CSMD1: variants seen among roughly 807,000 people sequenced by gnomAD.
CSMD1 encodes the protein CUB and Sushi multiple domains 1.
Under a neutral mutation model 417.5 loss-of-function variants are expected in CSMD1, and 213 were observed. The ratio of observed to expected loss-of-function variants is 0.51; its 90% CI spans 0.46 to 0.57. The LOEUF is 0.57. CSMD1 is among the 20% of genes least tolerant of loss of function. The probability of loss-of-function intolerance (pLI) is 0.00; values close to 1 mark genes in which losing one functional copy is unlikely to be tolerated. For missense variants in CSMD1, 6,923 were observed against 4,529.7 expected, an observed-to-expected ratio of 1.53 and a Z score of -15.17; for synonymous variants, 2,862 against 1,736.8, an observed-to-expected ratio of 1.65 and a Z score of -16.11.
intron 3 of CSMD1, among the ~76,000 whole-genome samples, chr8:4,151,201 A>C (rs1796554516): frequency 6.6e-6 from 1 of 152,076 alleles, no homozygotes; most frequent in African/African-American, 2.4e-5. Flanking sequence ...TGTTACCATA[A>C]CCTCTTCTTG....
intron 2 of CSMD1, among the ~76,000 whole-genome samples, chr8:4,428,135 C>T (rs552521584): frequency 6.6e-6 from 1 of 152,288 alleles, no homozygotes; most frequent in African/African-American, 2.4e-5. Context: ...TCCTCCTCTC[C>T]AAAGCACCCA....
At chr8:4,462,189 TA>T (rs1307775135) in intron 2 of CSMD1, among the ~76,000 whole-genome samples, 1 of 152,132 alleles carries the variant, frequency 6.6e-6, no homozygotes, top group African/African-American at 2.4e-5. Flanking sequence ...AAAGCAATTG[TA>T]TTTATCCACA....
chr8:4,241,505 G>C (rs1303876717), intron 3 of CSMD1, among the ~76,000 whole-genome samples: 1 of 152,126 alleles, frequency 6.6e-6, no homozygotes, highest in Non-Finnish European at 1.5e-5. Context: ...TTGAATGTCT[G>C]TGCCCCCAGG....
intron 7 of CSMD1, among the ~76,000 whole-genome samples, chr8:3,661,401 A>G (rs1798409105): frequency 6.6e-6 from 1 of 152,090 alleles, no homozygotes; most frequent in Non-Finnish European, 1.5e-5. Flanking sequence ...TTGTGTATAA[A>G]TCTTCTTCCA....
At chr8:3,031,198 A>G (rs1198008998) in intron 50 of CSMD1, among the ~76,000 whole-genome samples, 5 of 151,152 alleles carry the variant, frequency 3.3e-5, no homozygotes, top group African/African-American at 1.2e-4. Context: ...TATTTCAAAT[A>G]AAATGCATTT....
intron 5 of CSMD1, among the ~76,000 whole-genome samples, chr8:3,779,893 TC>T (rs1039851612): frequency 2.0e-5 from 3 of 152,204 alleles, no homozygotes; most frequent in Admixed American, 6.5e-5. Flanking sequence ...TTTATTTTTT[TC>T]TCTCATGGCC....
chr8:3,551,652 T>C lies in CSMD1; in HGVS notation c.1344+23293A>G, dbSNP rs1222031380. ...TATGTTCTTTCCGGTGCTCATTTAA[T>C]ACCAAGCCAGTGTATAGTTTCTTAC... On this transcript the variant is annotated intron_variant, in intron 10 of 69. Coordinates refer to ENST00000635120, the MANE Select transcript of CSMD1 (RefSeq NM_033225.6). 2.7e-5 allele frequency among the ~76,000 whole-genome samples: 4 copies of C among 149,334 alleles called. No homozygotes were observed. The South Asian group carries it at 6.4e-4, about 24-fold the overall frequency.
At chr8:4,871,125 G>C (rs1802713441) in intron 1 of CSMD1, among the ~76,000 whole-genome samples, 1 of 152,236 alleles carries the variant, frequency 6.6e-6, no homozygotes, top group South Asian at 2.1e-4. Context: ...TGGGAGATAG[G>C]TGCAGCCGTG....
chr8:4,957,988 T>C (rs1469533599), intron 1 of CSMD1, among the ~76,000 whole-genome samples: 8 of 152,198 alleles, frequency 5.3e-5, no homozygotes, highest in Non-Finnish European at 8.8e-5. Flanking sequence ...TTTTCCATAA[T>C]TGTGTGATGT....
At chr8:4,161,721 T>A (rs1797182115) in intron 3 of CSMD1, among the ~76,000 whole-genome samples, 1 of 152,190 alleles carries the variant, frequency 6.6e-6, no homozygotes, top group African/African-American at 2.4e-5. Context: ...AGAAAACCAT[T>A]GCTGCCATCA....
chr8:3,431,872 A>G (rs912574515), intron 12 of CSMD1, among the ~76,000 whole-genome samples: 1 of 152,210 alleles, frequency 6.6e-6, no homozygotes, highest in African/African-American at 2.4e-5. Context: ...CCACAGTGAG[A>G]TAAGATATCG....
At chr8:3,152,800 G>A (rs1819282042) in intron 39 of CSMD1, among the ~76,000 whole-genome samples, 1 of 152,204 alleles carries the variant, frequency 6.6e-6, no homozygotes, top group Non-Finnish European at 1.5e-5. Flanking sequence ...GCAAGGCCAG[G>A]CTCCCATGTG....
At chr8:4,148,117 G>C (rs368353617) in intron 3 of CSMD1, among the ~76,000 whole-genome samples, 2 of 152,060 alleles carry the variant, frequency 1.3e-5, no homozygotes, top group East Asian at 3.9e-4. Flanking sequence ...TCTTTGATGC[G>C]CGTGACATGC....
intron 2 of CSMD1, among the ~76,000 whole-genome samples, chr8:4,582,661 G>T (rs530344258): frequency 2.0e-3 from 304 of 152,342 alleles, no homozygotes; most frequent in Non-Finnish European, 3.5e-3. Context: ...GGTGACAGCA[G>T]GCTGGCAGTC....
chr8:4,188,754 T>A (rs11774658), intron 3 of CSMD1, among the ~76,000 whole-genome samples: 1 of 151,996 alleles, frequency 6.6e-6, no homozygotes, highest in East Asian at 1.9e-4. Flanking sequence ...AAAAGAAAGA[T>A]ACACAGATTT....
intron 1 of CSMD1, among the ~76,000 whole-genome samples, chr8:4,703,436 C>A (rs1305101531): frequency 6.6e-6 from 1 of 152,142 alleles, no homozygotes; most frequent in African/African-American, 2.4e-5. Context: ...TTAGAACATG[C>A]ATGAATAGCC....
rs1258883867 is a variant in CSMD1, at chr8:3,007,515, G to C, written c.8030-7384C>G. ...TATTCACAATAGCAAAGACTTGGAA[G>C]CAACCCAAATGTCCAACGATGATAG... is the stretch of plus-strand genomic sequence containing the variant. On this transcript the variant is annotated intron_variant, in intron 52 of 69. Transcript: ENST00000635120. Among the ~76,000 whole-genome samples, 1,160 of 148,784 alleles carry C rather than the reference G, an allele frequency of 7.8e-3. 8 individuals are homozygous for C. The highest frequency in any genetic ancestry group is 0.027 in the African/African-American group (1,053 of 38,336).
chr8:3,470,923 G>T (rs1362284695), intron 11 of CSMD1, among the ~76,000 whole-genome samples: 1 of 152,136 alleles, frequency 6.6e-6, no homozygotes. Context: ...TAACCACCTG[G>T]TAAAGGGTAT....
chr8:4,192,418 C>T (rs1446121159), intron 3 of CSMD1, among the ~76,000 whole-genome samples: 3 of 152,054 alleles, frequency 2.0e-5, no homozygotes, highest in African/African-American at 4.8e-5. Flanking sequence ...CATCAAGAGG[C>T]CACCATCAGA....
Sources: gnomAD v4.1 joint callset for allele counts (sites outside exome capture counted in the v4.1 genomes callset) on GRCh38, gnomAD v4.1.1 for gene constraint, MANE v1.5 for transcripts, NCBI Gene and HGNC (gene_info 2026-07-23, HGNC 2026-07-21) for gene names.